ARSF: variants seen among roughly 807,000 people sequenced by gnomAD.
ARSF encodes the protein arylsulfatase F.
A neutral mutation model predicts 35.4 loss-of-function variants in ARSF; 33 were observed. That is an observed-to-expected ratio of 0.93 (90% confidence interval 0.71 to 1.25). ARSF has a LOEUF of 1.25. ARSF is among the 50% of genes most tolerant of loss of function. ARSF has a pLI of 0.00. For synonymous variants in ARSF, 222 were observed against 193.1 expected, an observed-to-expected ratio of 1.15 and a Z score of -1.24; for missense variants, 501 against 480.2, an observed-to-expected ratio of 1.04 and a Z score of -0.40.
chrX:3,083,583 T>C (rs1326771998), intron 5 of ARSF, among the ~76,000 whole-genome samples: 2 of 111,082 alleles, frequency 1.8e-5, no homozygotes, highest in Non-Finnish European at 3.8e-5. Context: ...TATCTGCCTA[T>C]CTTTCTGTCT....
intron 7 of ARSF, among the ~76,000 whole-genome samples, chrX:3,093,143 C>A (rs1258279439): frequency 9.0e-6 from 1 of 111,597 alleles, no homozygotes; most frequent in Non-Finnish European, 1.9e-5. Context: ...CCAGCCTGGG[C>A]AACGGAGCGA....
intron 1 of ARSF, among the ~76,000 whole-genome samples, chrX:3,065,048 A>G (rs963580753): frequency 1.8e-5 from 2 of 111,591 alleles, no homozygotes; most frequent in Admixed American, 9.6e-5. Flanking sequence ...ATGTCCATCA[A>G]TGATAGACTG....
At chrX:3,077,231 C>T (rs1295679700) in intron 4 of ARSF, among the ~76,000 whole-genome samples, 1 of 112,268 alleles carries the variant, frequency 8.9e-6, no homozygotes, top group Non-Finnish European at 1.9e-5. Flanking sequence ...ACAAGGTGTA[C>T]ATTTGAGTTT....
At chrX:3,054,563 C>G (rs1031514312) in intron 1 of ARSF, among the ~76,000 whole-genome samples, 10 of 110,727 alleles carry the variant, frequency 9.0e-5, no homozygotes, top group Middle Eastern at 4.6e-3. Context: ...CTTGACCTCC[C>G]ACAGTACTGG....
intron 9 of ARSF, among the ~76,000 whole-genome samples, chrX:3,107,104 C>T (rs1001883434): frequency 2.2e-4 from 24 of 111,437 alleles, no homozygotes; most frequent in African/African-American, 5.5e-4. Flanking sequence ...GGAATAATGA[C>T]GAGAAAAAGT....
intron 7 of ARSF, 24 bp downstream of exon 7, chrX:3,089,656 C>G (rs775422172): frequency 2.5e-6 from 3 of 1,207,204 alleles, no homozygotes; most frequent in Non-Finnish European, 3.4e-6. Flanking sequence ...CTTAAGTGGA[C>G]AGAAACTAAC....
intron 1 of ARSF, among the ~76,000 whole-genome samples, chrX:3,044,409 A>C (rs965718249): frequency 5.4e-5 from 6 of 111,669 alleles, no homozygotes; most frequent in Admixed American, 9.6e-5. Context: ...ATGTGTTAAC[A>C]GCTCAGTGAA....
At chrX:3,080,771 G>T in intron 4 of ARSF, 120 bp from the exon 5 acceptor site, 1 of 898,860 alleles carries the variant, frequency 1.1e-6, no homozygotes. Context: ...CCTCCTAAAA[G>T]CCCTACCTCC....
intron 9 of ARSF, among the ~76,000 whole-genome samples, chrX:3,109,483 G>C (rs953209965): frequency 3.6e-5 from 4 of 111,154 alleles, no homozygotes; most frequent in Non-Finnish European, 7.5e-5. Context: ...CCATGTGCAG[G>C]TTTGTTATTT....
chrX:3,074,020 C>T (rs1393962288), intron 3 of ARSF, among the ~76,000 whole-genome samples: 1 of 110,272 alleles, frequency 9.1e-6, no homozygotes, highest in Non-Finnish European at 1.9e-5. Context: ...CTTTTAAGAT[C>T]ATTGCGTTGT....
intron 1 of ARSF, among the ~76,000 whole-genome samples, chrX:3,047,678 C>T (rs2089980941): frequency 1.8e-5 from 2 of 109,884 alleles, no homozygotes; most frequent in African/African-American, 6.6e-5. Flanking sequence ...AAGGGGACTG[C>T]CCAGCCCTCC....
chrX:3,056,762 G>A (rs187520455), intron 1 of ARSF, among the ~76,000 whole-genome samples: 3 of 111,476 alleles, frequency 2.7e-5, no homozygotes, highest in African/African-American at 9.8e-5. Flanking sequence ...TTGTAGACAG[G>A]CCGACTGCTT....
chrX:3,078,385 T>C lies in ARSF; in HGVS notation c.283+1716T>C, dbSNP rs192317787. Among the ~76,000 whole-genome samples the C allele has an allele frequency of 1.6e-3, 182 of 110,728 alleles. 2 individuals are homozygous for C. The South Asian group carries it at 0.019, about 12-fold the overall frequency. ...TTTAACTACTTAGGGTATTGCTGTG[T>C]TCCCCAGGCTGGTCTCGAGCTCCTG... On this transcript the variant is annotated intron_variant, in intron 4 of 10. Coordinates refer to ENST00000381127, the MANE Select transcript of ARSF (RefSeq NM_001201539.2).
intron 10 of ARSF, among the ~76,000 whole-genome samples, chrX:3,111,473 T>C (rs1355657071): frequency 9.0e-6 from 1 of 111,251 alleles, no homozygotes; most frequent in Non-Finnish European, 1.9e-5. Flanking sequence ...ATGCATAATT[T>C]CTTTGTGTTG....
chrX:3,093,504 G>C (rs181650346), intron 7 of ARSF, among the ~76,000 whole-genome samples: 169 of 111,717 alleles, frequency 1.5e-3, no homozygotes, highest in Non-Finnish European at 2.8e-3. Context: ...ATGAGAACAT[G>C]TGGTAGTTGG....
upstream of ARSF, among the ~76,000 whole-genome samples, chrX:3,040,722 C>G (rs1251409969): frequency 9.1e-6 from 1 of 110,486 alleles, no homozygotes; most frequent in African/African-American, 3.3e-5. Flanking sequence ...GTGCAGTGAC[C>G]CTACAGGGAA....
At chrX:3,094,964 T>C (rs1281885950) in intron 7 of ARSF, among the ~76,000 whole-genome samples, 2 of 109,012 alleles carry the variant, frequency 1.8e-5, no homozygotes, top group African/African-American at 6.6e-5. Flanking sequence ...TAGCATATAA[T>C]TTCTATATTT....
At chrX:3,056,926 G>A (rs1041507611) in intron 1 of ARSF, among the ~76,000 whole-genome samples, 2 of 110,918 alleles carry the variant, frequency 1.8e-5, no homozygotes, top group Non-Finnish European at 3.8e-5. Flanking sequence ...TAATAGCCAC[G>A]ACTGACACTG....
At chrX:3,078,526 G>T (rs1326515199) in intron 4 of ARSF, among the ~76,000 whole-genome samples, 1 of 110,913 alleles carries the variant, frequency 9.0e-6, no homozygotes. Flanking sequence ...TTGAGATAGG[G>T]TCTCCCTTTG....
Sources: allele counts gnomAD v4.1 joint callset (sites outside exome capture counted in the v4.1 genomes callset), GRCh38; gene constraint gnomAD v4.1.1; transcripts MANE v1.5; gene names NCBI Gene and HGNC (gene_info 2026-07-23, HGNC 2026-07-21).